Variants in ABCA4 observed in about 807,000 individuals in gnomAD.
The protein encoded by ABCA4 is ATP binding cassette subfamily A member 4.
ABCA4 carries 196 observed loss-of-function variants against 263.7 expected under a neutral mutation model. The observed-to-expected ratio is 0.74, with a 90% CI of 0.66 to 0.84. ABCA4 has a LOEUF of 0.84. Ranked by LOEUF, ABCA4 falls within the 40% of genes least tolerant of loss-of-function variation. The pLI is 0.00. For missense variants in ABCA4, 2,792 were observed against 2,855.1 expected (o/e 0.98, Z 0.50); for synonymous variants, 1,133 against 1,094.2 (o/e 1.04, Z -0.70).
rs1163406105 is a variant in ABCA4 at position 94,080,856 on chromosome 1, G to A, written c.859-138C>T. The A allele has an allele frequency of 1.8e-5, 25 of 1,353,030 alleles. No homozygotes were observed. The East Asian group carries it at 5.7e-4, about 31-fold the overall frequency. 83.8% of individuals were successfully genotyped at this position (1,353,030 alleles called of 1,614,324 possible). ...TATATTCTCAGCAATCCTTAATCCA[G>A]CTGCGAAAAACAAAAAACAAAACCT... is the stretch of plus-strand genomic sequence containing the variant. On this transcript the variant is annotated intron_variant, in intron 7 of 49. Transcript: ENST00000370225.
intron 4 of ABCA4, among the ~76,000 whole-genome samples, chr1:94,106,537 C>T (rs1431740468): frequency 6.6e-6 from 1 of 152,142 alleles, no homozygotes; most frequent in Non-Finnish European, 1.5e-5. Flanking sequence ...GGATTTCTTA[C>T]TATTAAAATG....
chr1:94,012,800 T>C (rs1436398690), intron 38 of ABCA4, among the ~76,000 whole-genome samples: 1 of 152,178 alleles, frequency 6.6e-6, no homozygotes, highest in Non-Finnish European at 1.5e-5. Flanking sequence ...GCAGGTCCTT[T>C]TCCGACTGGA....
At chr1:93,996,326 CG>C (rs1659002991) in intron 48 of ABCA4, 131 bp from the exon 49 acceptor site, 1 of 763,654 alleles carries the variant, frequency 1.3e-6, no homozygotes. Context: ...GTGTCCTACC[CG>C]GGGGAGGCTG....
intron 4 of ABCA4, among the ~76,000 whole-genome samples, chr1:94,108,049 T>C (rs1662490840): frequency 6.6e-6 from 1 of 152,144 alleles, no homozygotes; most frequent in Non-Finnish European, 1.5e-5. Flanking sequence ...CCCCCAGCCC[T>C]GCATCACCCA....
rs145694282 is a variant in ABCA4, at chr1:94,070,777, G to T, written c.1554+6913C>A. ...TGGGGGAAGGATGGAAAGGCTCAGT[G>T]GTACCAGGTGGGAAGCCTGGGGCAG... On this transcript the variant is annotated intron_variant, in intron 11 of 49. Coordinates refer to ENST00000370225, the MANE Select transcript of ABCA4 (RefSeq NM_000350.3). Among the ~76,000 whole-genome samples, 824 of 152,296 alleles carry T rather than the reference G, an allele frequency of 5.4e-3. 39 individuals carry two copies. Among genetic ancestry groups the T allele is most frequent in the Admixed American group, 0.051 (781 of 15,292 alleles).
chr1:94,005,243 T>G, intron 44 of ABCA4, 198 bp downstream of exon 44: 1 of 639,826 alleles, frequency 1.6e-6, no homozygotes, highest in South Asian at 2.1e-5. Flanking sequence ...TGGGGATTTT[T>G]TTTTGTCTGT....
chr1:93,996,331 G>C, intron 48 of ABCA4, 136 bp from the exon 49 acceptor site: 1 of 741,424 alleles, frequency 1.3e-6, no homozygotes, highest in Non-Finnish European at 2.3e-6. Context: ...CTACCCGGGG[G>C]AGGCTGGCCC....
intron 49 of ABCA4, among the ~76,000 whole-genome samples, chr1:93,994,656 G>A (rs1025282935): frequency 3.3e-5 from 5 of 152,200 alleles, no homozygotes; most frequent in Non-Finnish European, 7.3e-5. Flanking sequence ...ATAGTATGTT[G>A]TAAAGTCAGA....
intron 17 of ABCA4, among the ~76,000 whole-genome samples, chr1:94,051,112 A>C (rs973744855): frequency 6.6e-6 from 1 of 152,096 alleles, no homozygotes; most frequent in Non-Finnish European, 1.5e-5. Flanking sequence ...CCCCACCCCT[A>C]AGAAAGATCA....
chr1:94,088,658 A>G (rs572919562), intron 6 of ABCA4, among the ~76,000 whole-genome samples: 14 of 152,238 alleles, frequency 9.2e-5, no homozygotes, highest in Admixed American at 7.8e-4. Flanking sequence ...CAGCCTGGAG[A>G]TCCAGAAATT....
At chr1:94,089,979 G>A (rs1484343182) in intron 6 of ABCA4, among the ~76,000 whole-genome samples, 7 of 152,290 alleles carry the variant, frequency 4.6e-5, no homozygotes, top group South Asian at 4.1e-4. Flanking sequence ...CACAAGGTAG[G>A]AATCTAACCT....
chr1:93,994,013 G>T (rs72956531), intron 49 of ABCA4, among the ~76,000 whole-genome samples: 3,811 of 152,228 alleles, frequency 0.025, 166 homozygotes, highest in African/African-American at 0.087. Context: ...TTAGGGCTGA[G>T]AACAGGATTT....
intron 4 of ABCA4, among the ~76,000 whole-genome samples, chr1:94,107,956 G>A (rs542788287): frequency 6.6e-6 from 1 of 151,016 alleles, no homozygotes; most frequent in Non-Finnish European, 1.5e-5. Flanking sequence ...ATCCTTCCTC[G>A]TGCAGCCTGG....
At chr1:94,068,097 C>T (rs1402046392) in intron 11 of ABCA4, among the ~76,000 whole-genome samples, 1 of 152,164 alleles carries the variant, frequency 6.6e-6, no homozygotes, top group Non-Finnish European at 1.5e-5. Flanking sequence ...ATATCCCATC[C>T]TGAGCTGATC....
chr1:94,083,317 A>G, intron 7 of ABCA4, 35 bp downstream of exon 7: 1 of 1,491,396 alleles, frequency 6.7e-7, no homozygotes, highest in Non-Finnish European at 9.3e-7. Flanking sequence ...GGAAAGACAT[A>G]ATGAAATTAT....
intron 32 of ABCA4, 44 bp downstream of exon 32, chr1:94,023,342 T>G (rs753920644): frequency 6.6e-7 from 1 of 1,504,698 alleles, no homozygotes; most frequent in Admixed American, 1.7e-5. Flanking sequence ...ATTTCAACAA[T>G]GAATCAATCT....
chr1:94,031,188 A>AC, intron 27 of ABCA4, 68 bp from the exon 28 acceptor site: 1 of 1,592,020 alleles, frequency 6.3e-7, no homozygotes, highest in African/African-American at 1.3e-5. Flanking sequence ...GCGTGCACAC[A>AC]CATCTTCATT....
chr1:94,078,501 C>G, intron 10 of ABCA4, 89 bp downstream of exon 10: 1 of 1,069,688 alleles, frequency 9.3e-7, no homozygotes, highest in Non-Finnish European at 1.5e-6. Flanking sequence ...TAGCGATTAA[C>G]TCTTTCCTGG....
At chr1:94,001,750 A>T in intron 45 of ABCA4, 108 bp downstream of exon 45, 2 of 1,530,624 alleles carry the variant, frequency 1.3e-6, no homozygotes, top group African/African-American at 1.4e-5. Context: ...TCCAGACTAA[A>T]GCCAAACTGC....
Sources: allele counts gnomAD v4.1 joint callset (sites outside exome capture counted in the v4.1 genomes callset), GRCh38; gene constraint gnomAD v4.1.1; transcripts MANE v1.5; gene names NCBI Gene and HGNC (gene_info 2026-07-23, HGNC 2026-07-21).